Variants in MACROD2 observed in about 807,000 individuals in gnomAD.
MACROD2 encodes ADP-ribose glycohydrolase MACROD2.
A neutral mutation model predicts 70.4 loss-of-function variants in MACROD2; 36 were observed. That is an observed-to-expected ratio of 0.51 (90% CI 0.39 to 0.68). MACROD2 has a LOEUF of 0.68. Among genes scored for constraint, MACROD2 ranks in the 30% least tolerant of loss-of-function variants. The pLI is 0.00. For synonymous variants in MACROD2, 172 were observed against 178.8 expected (o/e 0.96, Z 0.30); for missense variants, 496 against 538.4 (o/e 0.92, Z 0.78).
chr20:14,927,822 T>C (rs2074251817), intron 5 of MACROD2, among the ~76,000 whole-genome samples: 1 of 152,216 alleles, frequency 6.6e-6, no homozygotes, highest in South Asian at 2.1e-4. Flanking sequence ...CAGAAGCTTA[T>C]TACTATATGT....
At chr20:15,873,843 G>A (rs530790434) in intron 9 of MACROD2, among the ~76,000 whole-genome samples, 4 of 152,050 alleles carry the variant, frequency 2.6e-5, no homozygotes, top group Admixed American at 6.6e-5. Context: ...TATGGACTTC[G>A]CCTCACAGAA....
rs894452516 is a variant in MACROD2 at position 15,048,455 on chromosome 20, CT to C, written c.419-181481del. Among the ~76,000 whole-genome samples the C allele has an allele frequency of 7.5e-5, 11 of 146,878 alleles. No individual in the cohort carries two copies. The South Asian group carries it at 2.3e-3, about 31-fold the overall frequency. Reference sequence around the variant, plus strand: ...TTACTTAATCCTCTCATTCTTTTTACTTTTCTGTAAAAAAAAAAAATGAGTA... The same window carrying C: ...TTACTTAATCCTCTCATTCTTTTTACTTTCTGTAAAAAAAAAAAATGAGTA... On this transcript the variant is annotated intron_variant, in intron 5 of 17. Transcript: ENST00000684519.
chr20:14,181,757 C>G (rs975656532), intron 3 of MACROD2, among the ~76,000 whole-genome samples: 1 of 152,138 alleles, frequency 6.6e-6, no homozygotes, highest in African/African-American at 2.4e-5. Context: ...CCTTTCGTGT[C>G]TGGCTTCTTT....
intron 8 of MACROD2, among the ~76,000 whole-genome samples, chr20:15,541,388 G>T (rs1386947818): frequency 2.0e-5 from 3 of 152,120 alleles, no homozygotes; most frequent in Admixed American, 1.3e-4. Context: ...CAGAAGGAAA[G>T]GGCCAAGTAG....
rs552249731 is a variant in MACROD2, at chr20:14,526,062, C to A, written c.301+32554C>A. Among the ~76,000 whole-genome samples, 46 of 152,248 alleles carry A rather than the reference C, an allele frequency of 3.0e-4. No individual in the cohort carries two copies. In the East Asian group the frequency reaches 8.7e-3, roughly 29 times the overall value. On this transcript the variant is annotated intron_variant, in intron 4 of 17. Transcript: ENST00000684519. The stretch of plus-strand genomic sequence containing the variant: ...AAAAGCCCTTCTTTTGTCTTGTTGG[C>A]TGTAAAATATCTTGCATGGCCCAGA...
At chr20:14,164,098 AG>A (rs1009121563) in intron 3 of MACROD2, among the ~76,000 whole-genome samples, 6 of 151,722 alleles carry the variant, frequency 4.0e-5, no homozygotes, top group African/African-American at 1.5e-4. Context: ...TTTGCTTTAT[AG>A]GGGAGAACTT....
intron 5 of MACROD2, among the ~76,000 whole-genome samples, chr20:15,149,251 ATT>A: frequency 6.6e-6 from 1 of 152,190 alleles, no homozygotes; most frequent in South Asian, 2.1e-4. Flanking sequence ...TTGAGGATAG[ATT>A]TCCACGATGC....
intron 5 of MACROD2, among the ~76,000 whole-genome samples, chr20:14,764,215 C>A (rs2072054677): frequency 6.6e-6 from 1 of 152,098 alleles, no homozygotes; most frequent in South Asian, 2.1e-4. Context: ...CCATTTCTGG[C>A]AGAGGCTGTA....
intron 5 of MACROD2, among the ~76,000 whole-genome samples, chr20:15,147,695 T>C (rs935432133): frequency 2.0e-5 from 3 of 152,168 alleles, no homozygotes; most frequent in Non-Finnish European, 4.4e-5. Context: ...GTCCACACTT[T>C]CATGTGCGTC....
intron 3 of MACROD2, among the ~76,000 whole-genome samples, chr20:14,447,360 C>G (rs892619553): frequency 6.6e-6 from 1 of 152,104 alleles, no homozygotes; most frequent in African/African-American, 2.4e-5. Flanking sequence ...TGGATTTCAT[C>G]CCCCAACAAG....
intron 5 of MACROD2, among the ~76,000 whole-genome samples, chr20:14,846,067 A>C (rs2073137060): frequency 6.6e-6 from 1 of 152,104 alleles, no homozygotes; most frequent in Non-Finnish European, 1.5e-5. Flanking sequence ...AAGTGCCACA[A>C]AGTATTTTTG....
intron 5 of MACROD2, among the ~76,000 whole-genome samples, chr20:15,039,801 G>A (rs192258396): frequency 6.6e-6 from 1 of 151,988 alleles, no homozygotes; most frequent in South Asian, 2.1e-4. Context: ...CCTACACCAG[G>A]GTTTACTTTC....
chr20:14,561,484 C>G (rs1979427935), intron 4 of MACROD2, among the ~76,000 whole-genome samples: 1 of 151,786 alleles, frequency 6.6e-6, no homozygotes, highest in Non-Finnish European at 1.5e-5. Context: ...TGATTTTCAT[C>G]TCTATGTTAG....
At chr20:15,451,519 T>C (rs1472845155) in intron 7 of MACROD2, among the ~76,000 whole-genome samples, 1 of 151,076 alleles carries the variant, frequency 6.6e-6, no homozygotes, top group African/African-American at 2.4e-5. Flanking sequence ...CTAAATCCAG[T>C]GTGCCCTGGA....
At chr20:14,953,507 G>A (rs767987617) in intron 5 of MACROD2, among the ~76,000 whole-genome samples, 26 of 152,018 alleles carry the variant, frequency 1.7e-4, no homozygotes, top group Non-Finnish European at 3.8e-4. Context: ...GGGGTTTCAC[G>A]TGTTAGCCAG....
intron 5 of MACROD2, among the ~76,000 whole-genome samples, chr20:15,073,381 A>C (rs994628406): frequency 1.3e-5 from 2 of 151,890 alleles, no homozygotes; most frequent in African/African-American, 4.8e-5. Flanking sequence ...TGCCAATTGT[A>C]AGGTAATCTT....
chr20:14,270,377 G>A (rs1244387844), intron 3 of MACROD2, among the ~76,000 whole-genome samples: 1 of 152,098 alleles, frequency 6.6e-6, no homozygotes, highest in Admixed American at 6.6e-5. Context: ...GGATCACGAG[G>A]TCAGGACATT....
At chr20:15,052,700 A>G (rs181440157) in intron 5 of MACROD2, among the ~76,000 whole-genome samples, 2 of 152,318 alleles carry the variant, frequency 1.3e-5, no homozygotes, top group East Asian at 1.9e-4. Flanking sequence ...GAGCCAGTTA[A>G]TAACTCTACA....
intron 5 of MACROD2, among the ~76,000 whole-genome samples, chr20:15,160,491 G>A (rs898124526): frequency 2.0e-5 from 3 of 152,048 alleles, no homozygotes; most frequent in African/African-American, 7.2e-5. Flanking sequence ...TTTGTCCTTT[G>A]ACCCTACTTT....
Sources: allele counts gnomAD v4.1 joint callset (sites outside exome capture counted in the v4.1 genomes callset), GRCh38; gene constraint gnomAD v4.1.1; transcripts MANE v1.5; gene names NCBI Gene and HGNC (gene_info 2026-07-23, HGNC 2026-07-21).